Variants in MYH15 observed in about 807,000 individuals in gnomAD.
MYH15 encodes the protein myosin heavy chain 15.
A neutral mutation model predicts 240.5 loss-of-function variants in MYH15; 227 were observed. The observed-to-expected ratio is 0.94, with a 90% confidence interval of 0.85 to 1.05. MYH15 has a LOEUF of 1.05. Ranked by LOEUF, MYH15 falls within the 50% of genes least tolerant of loss-of-function variation. MYH15 has a pLI of 0.00. For synonymous variants in MYH15, 785 were observed against 796.7 expected (o/e 0.99, Z 0.25); for missense variants, 2,217 against 2,247.5 (o/e 0.99, Z 0.27).
At chr3:108,439,968 A>G in intron 23 of MYH15, 55 bp from the exon 24 acceptor site, 1 of 1,423,406 alleles carries the variant, frequency 7.0e-7, no homozygotes, top group Non-Finnish European at 9.3e-7. Context: ...GTTGGGCATA[A>G]CACTGAGGGT....
chr3:108,463,075 T>C (rs917808182), intron 16 of MYH15, 36 bp downstream of exon 16: 3 of 1,574,046 alleles, frequency 1.9e-6, no homozygotes, highest in South Asian at 1.2e-5. Flanking sequence ...GGTTCCATTC[T>C]GAGGCTGAAA....
intron 26 of MYH15, among the ~76,000 whole-genome samples, chr3:108,430,555 T>G (rs1382120579): frequency 1.3e-5 from 2 of 152,250 alleles, no homozygotes; most frequent in Admixed American, 1.3e-4. Context: ...GAAGGATTCA[T>G]GAGTGAAAAA....
intron 15 of MYH15, 37 bp downstream of exon 15, chr3:108,464,601 A>G: frequency 1.9e-6 from 3 of 1,555,092 alleles, no homozygotes; most frequent in Non-Finnish European, 1.7e-6. Flanking sequence ...AAACAAAGTC[A>G]GGAAAATTCA....
chr3:108,412,722 C>T (rs531040086), intron 30 of MYH15, among the ~76,000 whole-genome samples: 1 of 152,286 alleles, frequency 6.6e-6, no homozygotes, highest in South Asian at 2.1e-4. Flanking sequence ...CCTTGGGGAA[C>T]TTAGAATTCA....
intron 27 of MYH15, among the ~76,000 whole-genome samples, chr3:108,426,319 G>A (rs2082724692): frequency 6.6e-6 from 1 of 152,046 alleles, no homozygotes; most frequent in Admixed American, 6.5e-5. Context: ...TGACCCTGAA[G>A]GCATTTCTGA....
At chr3:108,526,013 G>A (rs1374570123) in intron 1 of MYH15, among the ~76,000 whole-genome samples, 1 of 151,974 alleles carries the variant, frequency 6.6e-6, no homozygotes, top group Non-Finnish European at 1.5e-5. Context: ...AAAAAGAAAA[G>A]GGAAGAAATA....
At chr3:108,498,970 C>T (rs1052492677) in intron 5 of MYH15, among the ~76,000 whole-genome samples, 23 of 152,216 alleles carry the variant, frequency 1.5e-4, no homozygotes, top group African/African-American at 4.3e-4. Context: ...GTGACACTTC[C>T]GTCTATCCTT....
At chr3:108,492,466 G>T in intron 9 of MYH15, 34 bp downstream of exon 9, 1 of 1,471,118 alleles carries the variant, frequency 6.8e-7, no homozygotes, top group Admixed American at 1.9e-5. Context: ...TTCTTGTTTT[G>T]GAATAACCCT....
chr3:108,398,508 A>G (rs950014232), intron 35 of MYH15, 129 bp downstream of exon 35: 12 of 638,494 alleles, frequency 1.9e-5, no homozygotes, highest in Non-Finnish European at 3.0e-5. Flanking sequence ...GAGTATGAAC[A>G]TGCCTTGCTT....
upstream of MYH15, among the ~76,000 whole-genome samples, chr3:108,531,764 G>A (rs1483279949): frequency 4.1e-5 from 6 of 144,936 alleles, no homozygotes; most frequent in East Asian, 5.0e-4. Context: ...GCGACAGAGC[G>A]AGACCCCATC....
chr3:108,455,883 C>T (rs570392404), intron 19 of MYH15, 24 bp from the exon 20 acceptor site: 2 of 1,600,140 alleles, frequency 1.2e-6, no homozygotes, highest in African/African-American at 1.3e-5. Context: ...AAGAAAAAAT[C>T]ATGAGTTTGG....
chr3:108,382,135 G>C (rs1240040361), intron 40 of MYH15, among the ~76,000 whole-genome samples: 2 of 152,174 alleles, frequency 1.3e-5, no homozygotes, highest in African/African-American at 4.8e-5. Context: ...TGCAGCACAT[G>C]GGAAGCACCT....
At chr3:108,405,192 A>G (rs925974613) in intron 33 of MYH15, 146 bp downstream of exon 33, 31 of 436,380 alleles carry the variant, frequency 7.1e-5, no homozygotes, top group Admixed American at 6.9e-4. Context: ...TAGATATTGT[A>G]TATAAAAGAA....
At chr3:108,461,237 A>G (rs2107581277) in intron 16 of MYH15, among the ~76,000 whole-genome samples, 1 of 152,324 alleles carries the variant, frequency 6.6e-6, no homozygotes, top group Middle Eastern at 3.4e-3. Flanking sequence ...ATGAAGCTCA[A>G]TCACTAATGT....
chr3:108,482,025 C>T (rs974351632), intron 11 of MYH15, among the ~76,000 whole-genome samples: 2 of 151,870 alleles, frequency 1.3e-5, no homozygotes, highest in African/African-American at 4.8e-5. Context: ...AGCAGGGAGA[C>T]CAGGAAGGAG....
intron 1 of MYH15, chr3:108,529,205 G>A: frequency 6.5e-7 from 1 of 1,539,956 alleles, no homozygotes; most frequent in Non-Finnish European, 8.9e-7. Flanking sequence ...GGCTGCTACT[G>A]TCAGGCTATT....
At chr3:108,501,367 C>T (rs1232803891) in intron 3 of MYH15, among the ~76,000 whole-genome samples, 1 of 152,056 alleles carries the variant, frequency 6.6e-6, no homozygotes, top group Non-Finnish European at 1.5e-5. Context: ...TTATTTAATC[C>T]CCCAAGCTCC....
intron 3 of MYH15, among the ~76,000 whole-genome samples, chr3:108,501,153 T>C (rs753692605): frequency 1.7e-4 from 26 of 152,228 alleles, no homozygotes; most frequent in Non-Finnish European, 3.4e-4. Flanking sequence ...GCTGGTTGCA[T>C]GCCATGGCTC....
intron 7 of MYH15, among the ~76,000 whole-genome samples, chr3:108,493,971 T>C (rs1209890296): frequency 6.6e-6 from 1 of 152,200 alleles, no homozygotes; most frequent in African/African-American, 2.4e-5. Context: ...AGGCAGGATC[T>C]AGAGGGGCAG....
Sources: allele counts gnomAD v4.1 joint callset (sites outside exome capture counted in the v4.1 genomes callset), GRCh38; gene constraint gnomAD v4.1.1; transcripts MANE v1.5; gene names NCBI Gene and HGNC (gene_info 2026-07-23, HGNC 2026-07-21).